SYMPK: variants seen among roughly 807,000 people sequenced by gnomAD.
SYMPK encodes the protein symplekin.
A neutral mutation model predicts 136.4 loss-of-function variants in SYMPK; 49 were observed. The ratio of observed to expected loss-of-function variants is 0.36; its 90% CI spans 0.29 to 0.46. The LOEUF is 0.46. Ranked by LOEUF, SYMPK falls within the 20% of genes least tolerant of loss-of-function variation. The pLI, the probability that SYMPK is intolerant of heterozygous loss-of-function variation, is 1.00. For synonymous variants in SYMPK, 766 were observed against 713.0 expected, an observed-to-expected ratio of 1.07 and a Z score of -1.19; for missense variants, 1,365 against 1,690.0, an observed-to-expected ratio of 0.81 and a Z score of 3.37.
intron 13 of SYMPK, 55 bp from the exon 14 acceptor site, chr19:45,829,260 G>A (rs1277166657): frequency 1.4e-5 from 20 of 1,478,312 alleles, no homozygotes; most frequent in South Asian, 9.4e-5. Context: ...CAGGGACTCC[G>A]CAATCGTGCC....
At chr19:45,841,293 C>CA (rs960093471) in intron 9 of SYMPK, among the ~76,000 whole-genome samples, 1 of 148,986 alleles carries the variant, frequency 6.7e-6, no homozygotes, top group African/African-American at 2.5e-5. Flanking sequence ...AATTCCCCCC[C>CA]CACCTTTTTT....
chr19:45,824,564 T>C (rs1337198867), intron 18 of SYMPK, among the ~76,000 whole-genome samples: 1 of 152,130 alleles, frequency 6.6e-6, no homozygotes, highest in Non-Finnish European at 1.5e-5. Context: ...GGGATTAACA[T>C]ACACTTCTCT....
At chr19:45,838,374 G>T in intron 10 of SYMPK, 87 bp downstream of exon 10, 1 of 1,459,376 alleles carries the variant, frequency 6.9e-7, no homozygotes, top group Non-Finnish European at 9.3e-7. Flanking sequence ...TCTGGAGGAG[G>T]TGGATGGTGT....
intron 1 of SYMPK, among the ~76,000 whole-genome samples, chr19:45,861,238 T>C (rs1971960151): frequency 2.0e-5 from 3 of 152,126 alleles, no homozygotes; most frequent in African/African-American, 4.8e-5. Context: ...TTCCACTTTT[T>C]TCATGATAAT....
At chr19:45,858,408 G>A (rs80323008) in intron 1 of SYMPK, among the ~76,000 whole-genome samples, 3,539 of 152,044 alleles carry the variant, frequency 0.023, 128 homozygotes, top group African/African-American at 0.08. Context: ...CCTCTCTTCC[G>A]TCTGCCTGGA....
At chr19:45,860,585 C>T (rs985524027) in intron 1 of SYMPK, among the ~76,000 whole-genome samples, 4 of 152,016 alleles carry the variant, frequency 2.6e-5, no homozygotes, top group Non-Finnish European at 5.9e-5. Flanking sequence ...AAACCTCAGA[C>T]ACCAAGGTTT....
intron 11 of SYMPK, among the ~76,000 whole-genome samples, chr19:45,833,397 C>T (rs1215149236): frequency 1.3e-5 from 2 of 151,812 alleles, no homozygotes; most frequent in East Asian, 1.9e-4. Flanking sequence ...GTCAGGAGAT[C>T]AAGACCAACC....
intron 1 of SYMPK, among the ~76,000 whole-genome samples, chr19:45,859,222 T>G (rs1971902881): frequency 6.6e-6 from 1 of 152,044 alleles, no homozygotes; most frequent in Non-Finnish European, 1.5e-5. Flanking sequence ...TTCCTGCCCT[T>G]TCACTCTTGA....
chr19:45,823,953 TG>T, intron 18 of SYMPK, 78 bp from the exon 19 acceptor site: 2 of 936,302 alleles, frequency 2.1e-6, no homozygotes, highest in Non-Finnish European at 3.0e-6. Context: ...CAGGGTGGCT[TG>T]CGGGGCATGC....
chr19:45,828,189 G>C, intron 14 of SYMPK: 1 of 407,562 alleles, frequency 2.5e-6, no homozygotes, highest in Non-Finnish European at 4.6e-6. Context: ...AAGAACGGGA[G>C]GGAATGATGG....
rs564994131 is a variant in SYMPK at position 45,851,420 on chromosome 19, T to C, written c.299+892A>G. ...GCAGAAACCCCATCTCTACTAAAAA[T>C]ACAAAAATTAGCCAGGCATGGTGGC... is the stretch of plus-strand genomic sequence containing the variant. On this transcript the variant is annotated intron_variant, in intron 5 of 26. Coordinates refer to ENST00000245934, the MANE Select transcript of SYMPK (RefSeq NM_004819.3). Among the ~76,000 whole-genome samples the C allele has an allele frequency of 3.5e-4, 52 of 149,492 alleles. No homozygotes were observed. The South Asian group carries it at 0.01, about 30-fold the overall frequency.
At chr19:45,836,877 C>T (rs1971313903) in intron 10 of SYMPK, among the ~76,000 whole-genome samples, 1 of 152,036 alleles carries the variant, frequency 6.6e-6, no homozygotes, top group Non-Finnish European at 1.5e-5. Context: ...ACTTTAAATG[C>T]ACACACTAAG....
intron 25 of SYMPK, 40 bp from the exon 26 acceptor site, chr19:45,816,223 T>C (rs1160160716): frequency 1.4e-6 from 2 of 1,399,748 alleles, no homozygotes; most frequent in African/African-American, 2.9e-5. Flanking sequence ...CAGAGGTGGG[T>C]GGCTCAGAGG....
At chr19:45,819,868 A>G (rs867342918) in intron 22 of SYMPK, 11 of 152,558 alleles carry the variant, frequency 7.2e-5, no homozygotes, top group Non-Finnish European at 1.6e-4. Context: ...GCAACCAGGA[A>G]GACTGCTGGT....
chr19:45,833,184 C>A (rs1247022099), intron 11 of SYMPK, among the ~76,000 whole-genome samples: 1 of 151,728 alleles, frequency 6.6e-6, no homozygotes, highest in Non-Finnish European at 1.5e-5. Flanking sequence ...GCCTGGGCCA[C>A]AAGAGCAAAA....
chr19:45,816,271 T>C, intron 25 of SYMPK, 88 bp from the exon 26 acceptor site: 3 of 1,147,826 alleles, frequency 2.6e-6, no homozygotes, highest in Admixed American at 2.8e-5. Context: ...GAGGTGGTCT[T>C]TGAGTTCTTC....
chr19:45,821,515 A>G lies in SYMPK; in HGVS notation c.2792-30T>C. The G allele has an allele frequency of 6.6e-7, 1 of 1,514,770 alleles. No individual in the cohort carries two copies. The highest frequency in any genetic ancestry group is 9.2e-7 in the Non-Finnish European group (1 of 1,091,036). 93.8% of individuals were successfully genotyped at this position (1,514,770 alleles called of 1,614,324 possible). A position where few individuals can be genotyped will look rare whatever the true frequency, so the allele number is the denominator to read the frequency against. ...AGCAGGCGGGAGGAAGGGTGGGGGA[A>G]GACAGTGCGGACGCATAAGTGAAGA... is the stretch of plus-strand genomic sequence containing the variant. On this transcript the variant is annotated intron_variant, in intron 21 of 26. Transcript: ENST00000245934. The surrounding 1 kb of genome is among the most constrained non-coding windows in gnomAD (Gnocchi z 4.4).
In SYMPK at chr19:45,835,240, C is replaced by A. The variant is rs184555250; in HGVS notation, c.1243-12G>T. On this transcript the variant is annotated splice_polypyrimidine_tract_variant and intron_variant, in intron 10 of 26. Transcript: ENST00000245934. ...ATGCTGATGAGGACCTGTGGGATGC[C>A]CAGGAAGAGAGCCTCTCCTTAATCA... 289 of 1,561,768 alleles carry A rather than the reference C, an allele frequency of 1.9e-4. 1 individual carries two copies. The East Asian group carries it at 5.3e-3, about 29-fold the overall frequency.
At chr19:45,851,047 G>A (rs931154692) in intron 5 of SYMPK, among the ~76,000 whole-genome samples, 5 of 152,250 alleles carry the variant, frequency 3.3e-5, no homozygotes, top group African/African-American at 1.2e-4. Flanking sequence ...GAGAGGATCA[G>A]AAGTGAGATG....
Sources: allele counts gnomAD v4.1 joint callset (sites outside exome capture counted in the v4.1 genomes callset), GRCh38; gene constraint gnomAD v4.1.1; non-coding constraint Gnocchi (gnomAD v3.1); transcripts MANE v1.5; gene names NCBI Gene and HGNC (gene_info 2026-07-23, HGNC 2026-07-21).